Variants in PDSS2 observed in about 807,000 individuals in gnomAD.
PDSS2 encodes the protein decaprenyl diphosphate synthase subunit 2.
PDSS2 carries 31 observed loss-of-function variants against 44.5 expected under a neutral mutation model. The observed-to-expected ratio is 0.70, with a 90% confidence interval of 0.52 to 0.94. The LOEUF (loss-of-function observed/expected upper bound fraction) is 0.94, where lower values mean the gene tolerates loss of function less well. Ranked by LOEUF, PDSS2 falls within the 40% of genes least tolerant of loss-of-function variation. The pLI, the probability that PDSS2 is intolerant of heterozygous loss-of-function variation, is 0.00. For missense variants in PDSS2, 452 were observed against 482.2 expected, an observed-to-expected ratio of 0.94 and a Z score of 0.59; for synonymous variants, 157 against 180.3, an observed-to-expected ratio of 0.87 and a Z score of 1.03.
chr6:107,225,139 A>ATATATATATATATATATATATATT (rs1773750297), intron 4 of PDSS2, among the ~76,000 whole-genome samples: 1 of 35,544 alleles, frequency 2.8e-5, no homozygotes, highest in African/African-American at 2.0e-4. Flanking sequence ...ATATATTTTT[A>ATATATATATATATATATATATATT]TATATATATA....
chr6:107,226,266 T>C (rs1046599078), intron 4 of PDSS2, among the ~76,000 whole-genome samples: 2 of 152,092 alleles, frequency 1.3e-5, no homozygotes, highest in Middle Eastern at 3.2e-3. Context: ...GAGCCGAGAT[T>C]GCGCCACTGC....
intron 7 of PDSS2, among the ~76,000 whole-genome samples, chr6:107,173,623 A>C (rs1341972888): frequency 1.4e-5 from 2 of 147,760 alleles, no homozygotes; most frequent in African/African-American, 2.5e-5. Flanking sequence ...AGCAGTCTCT[A>C]GTGTCATGCT....
At chr6:107,344,787 TGTC>T (rs773622591) in intron 1 of PDSS2, among the ~76,000 whole-genome samples, 23 of 152,222 alleles carry the variant, frequency 1.5e-4, no homozygotes, top group South Asian at 6.2e-4. Flanking sequence ...AAGTATAAAA[TGTC>T]GTGATCAATC....
intron 4 of PDSS2, among the ~76,000 whole-genome samples, chr6:107,244,115 C>T (rs186106243): frequency 2.4e-4 from 37 of 152,148 alleles, no homozygotes; most frequent in Admixed American, 2.2e-3. Context: ...GCAACAAGAG[C>T]GAAACTCCAT....
chr6:107,254,331 C>T (rs907612753), intron 3 of PDSS2, among the ~76,000 whole-genome samples: 3 of 150,946 alleles, frequency 2.0e-5, no homozygotes, highest in Non-Finnish European at 3.0e-5. Context: ...TGCGCCTGGC[C>T]GAAAAATAAT....
At chr6:107,375,920 C>T (rs1779271372) in intron 1 of PDSS2, among the ~76,000 whole-genome samples, 1 of 152,158 alleles carries the variant, frequency 6.6e-6, no homozygotes, top group South Asian at 2.1e-4. Context: ...ACAATCATCT[C>T]AACAGATACA....
At chr6:107,238,871 T>A (rs903735192) in intron 4 of PDSS2, among the ~76,000 whole-genome samples, 3 of 152,216 alleles carry the variant, frequency 2.0e-5, no homozygotes, top group Non-Finnish European at 4.4e-5. Flanking sequence ...AAAATACTCT[T>A]CTTGATTTAA....
intron 2 of PDSS2, among the ~76,000 whole-genome samples, chr6:107,279,013 A>C (rs1395892389): frequency 6.6e-6 from 1 of 152,174 alleles, no homozygotes; most frequent in East Asian, 1.9e-4. Flanking sequence ...TGAGGTCGGG[A>C]GTTCAAGAGC....
At chr6:107,406,088 T>C (rs1028166935) in intron 1 of PDSS2, among the ~76,000 whole-genome samples, 1 of 152,174 alleles carries the variant, frequency 6.6e-6, no homozygotes, top group Non-Finnish European at 1.5e-5. Context: ...ATCAGTAAAC[T>C]ACTGATCTAT....
intron 1 of PDSS2, among the ~76,000 whole-genome samples, chr6:107,413,878 CTG>C (rs1780579729): frequency 6.6e-6 from 1 of 152,152 alleles, no homozygotes. Context: ...CTAGGGAAGA[CTG>C]TGGCAATTGA....
intron 1 of PDSS2, among the ~76,000 whole-genome samples, chr6:107,457,199 G>A (rs1254312689): frequency 6.6e-6 from 1 of 152,170 alleles, no homozygotes; most frequent in Non-Finnish European, 1.5e-5. Flanking sequence ...AGGGAAGTGA[G>A]TGTGGCTAAA....
chr6:107,402,558 T>C, intron 1 of PDSS2, among the ~76,000 whole-genome samples: 2 of 57,986 alleles, frequency 3.4e-5, no homozygotes, highest in Non-Finnish European at 7.1e-5. Context: ...TATATAAAAA[T>C]ATATATACAT....
intron 3 of PDSS2, among the ~76,000 whole-genome samples, chr6:107,272,239 T>G (rs892226047): frequency 6.6e-6 from 1 of 152,242 alleles, no homozygotes; most frequent in African/African-American, 2.4e-5. Context: ...CTAATATAAT[T>G]ATTAGTAATA....
intron 7 of PDSS2, among the ~76,000 whole-genome samples, chr6:107,186,044 G>A (rs745874089): frequency 3.3e-5 from 5 of 152,180 alleles, no homozygotes; most frequent in African/African-American, 1.2e-4. Context: ...AAGCGACTAA[G>A]GTAGGATTGC....
intron 1 of PDSS2, among the ~76,000 whole-genome samples, chr6:107,426,912 AG>A (rs778621896): frequency 1.1e-4 from 16 of 152,236 alleles, no homozygotes; most frequent in African/African-American, 3.9e-4. Flanking sequence ...CATAGATGGA[AG>A]TGACTTAAGA....
intron 1 of PDSS2, among the ~76,000 whole-genome samples, chr6:107,359,724 T>C (rs1778709424): frequency 6.6e-6 from 1 of 151,772 alleles, no homozygotes; most frequent in South Asian, 2.1e-4. Context: ...ACATATTCAA[T>C]ATCAAGGTAT....
chr6:107,441,935 C>T (rs1258746009), intron 1 of PDSS2, among the ~76,000 whole-genome samples: 1 of 152,156 alleles, frequency 6.6e-6, no homozygotes, highest in Non-Finnish European at 1.5e-5. Flanking sequence ...AACAGACCCC[C>T]TCTCACAGGA....
At chr6:107,393,859 G>A (rs1779858684) in intron 1 of PDSS2, among the ~76,000 whole-genome samples, 1 of 152,084 alleles carries the variant, frequency 6.6e-6, no homozygotes, top group South Asian at 2.1e-4. Context: ...AATATTCTTT[G>A]CTCTGAAGTC....
rs1395052760 is a variant in PDSS2 at position 107,152,903 on chromosome 6, T to C, written c.*1716A>G. On this transcript the variant is annotated 3_prime_UTR_variant, in exon 8 of 8. Coordinates refer to ENST00000369037, the MANE Select transcript of PDSS2 (RefSeq NM_020381.4). ...TATCCATGGTTACTAATTAAGCCAA[T>C]TTCAGTGACAGAAAGCATTTCAAAC... 3 of 152,252 alleles carry C rather than the reference T, an allele frequency of 2.0e-5. No homozygotes were observed. Among genetic ancestry groups the C allele is most frequent in the Non-Finnish European group, 2.9e-5 (2 of 68,054 alleles). 9.4% of individuals were successfully genotyped at this position (152,252 alleles called of 1,614,324 possible).
Sources: gnomAD v4.1 joint callset for allele counts (sites outside exome capture counted in the v4.1 genomes callset) on GRCh38, gnomAD v4.1.1 for gene constraint, MANE v1.5 for transcripts, NCBI Gene and HGNC (gene_info 2026-07-23, HGNC 2026-07-21) for gene names.